The following FHOD3 variants were observed in gnomAD, a reference collection of about 807,000 sequenced individuals.
The protein encoded by FHOD3 is FH1/FH2 domain-containing protein 3.
Under a neutral mutation model 173.0 loss-of-function variants are expected in FHOD3, and 90 were observed. That is an observed-to-expected ratio of 0.52 (90% CI 0.44 to 0.62). The LOEUF (loss-of-function observed/expected upper bound fraction) is 0.62. Ranked by LOEUF, FHOD3 falls within the 20% of genes least tolerant of loss-of-function variation. The pLI is 0.00. For synonymous variants in FHOD3, 828 were observed against 823.0 expected, an observed-to-expected ratio of 1.01 and a Z score of -0.10; for missense variants, 1,945 against 2,034.7, an observed-to-expected ratio of 0.96 and a Z score of 0.85.
intron 17 of FHOD3, among the ~76,000 whole-genome samples, chr18:36,707,570 T>C (rs1201099774): frequency 2.0e-5 from 3 of 152,010 alleles, no homozygotes; most frequent in African/African-American, 4.8e-5. Flanking sequence ...AGATGAAGGA[T>C]TGGGGGGTGA....
rs888543880 is a variant in FHOD3 at position 36,308,542 on chromosome 18, C to T, written c.165+10542C>T. Among the ~76,000 whole-genome samples, 15 of 152,314 alleles carry T rather than the reference C, an allele frequency of 9.8e-5. No individual in the cohort carries two copies. The East Asian group carries it at 1.5e-3, about 16-fold the overall frequency. The stretch of plus-strand genomic sequence containing the variant: ...ATTACATGTATGTATCCCATTGTCT[C>T]TACCCATTTTGAAGAACAAAACTCA... On this transcript the variant is annotated intron_variant, in intron 1 of 28. Transcript: ENST00000590592.
intron 1 of FHOD3, among the ~76,000 whole-genome samples, chr18:36,331,332 G>A (rs192424126): frequency 2.6e-5 from 4 of 152,218 alleles, no homozygotes; most frequent in Non-Finnish European, 4.4e-5. Flanking sequence ...TGCACTAGAA[G>A]TGAGTCTCTC....
chr18:36,709,429 G>A (rs756787414), intron 18 of FHOD3, 38 bp downstream of exon 18: 17 of 1,582,704 alleles, frequency 1.1e-5, no homozygotes, highest in Non-Finnish European at 1.4e-5. Flanking sequence ...CATGTGCCAG[G>A]GAGGCCTGGG....
In FHOD3 at chr18:36,658,156, C is replaced by T. The variant is rs201369615; in HGVS notation, c.1803C>T (p.Ser601=). Residue 601 remains serine (S), a synonymous_variant, in exon 14 of 29, where the codon TCC becomes TCT. Coordinates refer to ENST00000590592, the MANE Select transcript of FHOD3 (RefSeq NM_001281740.3). ...GTGTGCCCACCACCCCCACATCATC[C>T]GTCTCACCCCCACAGGAGGCCAGGT... is the stretch of plus-strand genomic sequence containing the variant. ...GSSVPTTPTS[S]VSPPQEARLE... 9.4e-6 allele frequency: 15 copies of T among 1,590,518 alleles called. No individual in the cohort carries two copies. Among genetic ancestry groups the T allele is most frequent in the African/African-American group, 5.5e-5 (4 of 72,868 alleles).
At chr18:36,618,779 G>T (rs1388140516) in intron 9 of FHOD3, among the ~76,000 whole-genome samples, 1 of 151,924 alleles carries the variant, frequency 6.6e-6, no homozygotes, top group East Asian at 1.9e-4. Flanking sequence ...AGCTGTGTTT[G>T]TCAGTTGGAG....
At chr18:36,381,495 T>C (rs987429369) in intron 3 of FHOD3, among the ~76,000 whole-genome samples, 15 of 152,214 alleles carry the variant, frequency 9.9e-5, no homozygotes, top group African/African-American at 3.1e-4. Flanking sequence ...CTGTCCCTGC[T>C]GGCTGTAGTA....
chr18:36,477,008 T>C (rs1178965957), intron 3 of FHOD3, among the ~76,000 whole-genome samples: 1 of 152,146 alleles, frequency 6.6e-6, no homozygotes, highest in African/African-American at 2.4e-5. Flanking sequence ...GTGATACAAC[T>C]TGGTGTGCTG....
intron 3 of FHOD3, among the ~76,000 whole-genome samples, chr18:36,432,382 C>A (rs1355417781): frequency 6.6e-6 from 1 of 152,158 alleles, no homozygotes; most frequent in Non-Finnish European, 1.5e-5. Flanking sequence ...CTTTCTGTTT[C>A]CTTAATTTCA....
chr18:36,423,885 G>A (rs2050114627), intron 3 of FHOD3, among the ~76,000 whole-genome samples: 1 of 152,160 alleles, frequency 6.6e-6, no homozygotes, highest in Non-Finnish European at 1.5e-5. Flanking sequence ...TATACACTCA[G>A]TTCTGTATAA....
rs2036139689 is a variant in FHOD3, at chr18:36,652,625, A to G, written c.1342A>G (p.Ser448Gly). 1 of 1,535,012 alleles carries G rather than the reference A, an allele frequency of 6.5e-7. No individual in the cohort carries two copies. Among genetic ancestry groups the G allele is most frequent in the South Asian group, 1.2e-5 (1 of 83,984 alleles). The stretch of plus-strand genomic sequence containing the variant: ...CACTGGAAGGGATGCTGCTCCCAAG[A>G]GCTCTGCCCTCCCTGCTGTCTCGAA... ...SPTGRDAAPK[S>G]SALPAVSNAS... Residue 448 changes from serine to glycine, a missense_variant, in exon 12 of 29, where the codon AGC becomes GGC. Ser to Gly is a moderately conservative substitution (Grantham distance 56). This residue lies in a region of FHOD3 where 1,099 missense variants were observed against 1,051.2 expected (regional missense o/e 1.05). Transcript: ENST00000590592.
chr18:36,374,159 T>C (rs2047322949), intron 3 of FHOD3, among the ~76,000 whole-genome samples: 1 of 152,200 alleles, frequency 6.6e-6, no homozygotes, highest in Admixed American at 6.5e-5. Context: ...TCCTTTGCAG[T>C]ATGTAGTCAA....
At chr18:36,404,442 C>A (rs2066387886) in intron 3 of FHOD3, among the ~76,000 whole-genome samples, 1 of 152,196 alleles carries the variant, frequency 6.6e-6, no homozygotes, top group Admixed American at 6.5e-5. Flanking sequence ...AAAGACTTGG[C>A]CCAGCAGCTG....
intron 18 of FHOD3, among the ~76,000 whole-genome samples, chr18:36,716,236 G>A (rs1446540672): frequency 1.3e-5 from 2 of 152,250 alleles, no homozygotes; most frequent in Non-Finnish European, 2.9e-5. Context: ...CTGCAGTACT[G>A]CAGGCAGGAA....
intron 5 of FHOD3, among the ~76,000 whole-genome samples, chr18:36,547,020 C>A (rs1346932638): frequency 6.6e-6 from 1 of 152,198 alleles, no homozygotes; most frequent in African/African-American, 2.4e-5. Context: ...CAGCGCTGAC[C>A]CCGCTGAGGG....
intron 3 of FHOD3, among the ~76,000 whole-genome samples, chr18:36,427,286 TAAAAAAAAAAAAAAAA>T (rs35854743): frequency 1.3e-5 from 1 of 79,480 alleles, no homozygotes; most frequent in African/African-American, 4.6e-5. Context: ...CTTGCTTCTC[TAAAAAAAAAAAAAAAA>T]AAAAAAAAAA....
In FHOD3 at chr18:36,690,067, C is replaced by T. The variant is rs139832640; in HGVS notation, c.2021+2889C>T. 4.7e-3 allele frequency among the ~76,000 whole-genome samples: 717 copies of T among 152,214 alleles called. 8 individuals are homozygous for T. Among genetic ancestry groups the T allele is most frequent in the African/African-American group, 0.016 (652 of 41,516 alleles). Reference sequence around the variant, plus strand: ...AAAAGAGACTGAGCCGCAGTACCAGCCCTGCCACTGAGCTCTGGCGGATGT... The same window carrying T: ...AAAAGAGACTGAGCCGCAGTACCAGTCCTGCCACTGAGCTCTGGCGGATGT... On this transcript the variant is annotated intron_variant, in intron 16 of 28. Transcript: ENST00000590592.
chr18:36,642,018 T>C (rs2035343988), intron 10 of FHOD3, among the ~76,000 whole-genome samples: 1 of 152,100 alleles, frequency 6.6e-6, no homozygotes, highest in Non-Finnish European at 1.5e-5. Flanking sequence ...CACTGCTTTT[T>C]TAGTAAACGA....
chr18:36,761,539 G>A (rs116746873), intron 27 of FHOD3, among the ~76,000 whole-genome samples: 1,612 of 152,170 alleles, frequency 0.011, 26 homozygotes, highest in African/African-American at 0.036. Flanking sequence ...CCCTCACCCT[G>A]CATGGTCACC....
chr18:36,485,845 G>T (rs796988930), intron 3 of FHOD3, among the ~76,000 whole-genome samples: 6 of 152,222 alleles, frequency 3.9e-5, no homozygotes, highest in African/African-American at 1.4e-4. Flanking sequence ...GACCACAAAG[G>T]TTCCCAGCAA....
Sources: gnomAD v4.1 joint callset for allele counts (sites outside exome capture counted in the v4.1 genomes callset) on GRCh38, gnomAD v4.1.1 for gene constraint, gnomAD v4.1.1 regional missense constraint, MANE v1.5 for transcripts, NCBI Gene and HGNC (gene_info 2026-07-23, HGNC 2026-07-21) for gene names.